Variants in SOCS6 observed in about 807,000 individuals in gnomAD.
SOCS6 encodes the protein suppressor of cytokine signaling 6.
SOCS6 carries 5 observed loss-of-function variants against 27.7 expected under a neutral mutation model. The ratio of observed to expected loss-of-function variants is 0.18; its 90% CI spans 0.09 to 0.38. SOCS6 has a LOEUF of 0.38. SOCS6 is among the 10% of genes least tolerant of loss of function. SOCS6 has a pLI of 1.00. For missense variants in SOCS6, 595 were observed against 688.1 expected, an observed-to-expected ratio of 0.86 and a Z score of 1.51; for synonymous variants, 271 against 260.0, an observed-to-expected ratio of 1.04 and a Z score of -0.41.
chr18:70,297,003 C>CTGT (rs755251752), intron 1 of SOCS6, among the ~76,000 whole-genome samples: 140 of 122,060 alleles, frequency 1.1e-3, no homozygotes, highest in Middle Eastern at 7.5e-3. Flanking sequence ...TTTTTCTTGT[C>CTGT]TGTTGTTGTT....
intron 1 of SOCS6, among the ~76,000 whole-genome samples, chr18:70,292,619 A>T (rs2062304980): frequency 6.6e-6 from 1 of 152,152 alleles, no homozygotes; most frequent in Admixed American, 6.5e-5. Flanking sequence ...AAGTGTTGGG[A>T]TTGCAGGCAC....
chr18:70,292,125 C>T (rs1051965739), intron 1 of SOCS6, among the ~76,000 whole-genome samples: 9 of 152,124 alleles, frequency 5.9e-5, no homozygotes, highest in African/African-American at 1.4e-4. Flanking sequence ...TTTAGGTGGC[C>T]GTTGGTCTTG....
intron 1 of SOCS6, among the ~76,000 whole-genome samples, chr18:70,307,010 C>T (rs868559638): frequency 9.2e-5 from 14 of 152,302 alleles, no homozygotes; most frequent in Middle Eastern, 3.4e-3. Flanking sequence ...CGCCTGTAAT[C>T]CCAACACTTT....
At chr18:70,289,555 C>T (rs906696819) in intron 1 of SOCS6, among the ~76,000 whole-genome samples, 11 of 147,082 alleles carry the variant, frequency 7.5e-5, no homozygotes, top group African/African-American at 2.7e-4. Context: ...CTGCGCGGCT[C>T]TGCGCCCCGG....
At chr18:70,320,460 G>A (rs1259319024) in intron 1 of SOCS6, among the ~76,000 whole-genome samples, 1 of 152,098 alleles carries the variant, frequency 6.6e-6, no homozygotes. Context: ...TGTATCTGGA[G>A]GAGGCTGAAT....
intron 1 of SOCS6, among the ~76,000 whole-genome samples, chr18:70,315,490 A>G (rs1273609193): frequency 1.3e-5 from 2 of 152,180 alleles, no homozygotes; most frequent in African/African-American, 2.4e-5. Context: ...AGTTTTACAC[A>G]TTTTGATTCC....
chr18:70,298,383 A>C (rs41321346), intron 1 of SOCS6, among the ~76,000 whole-genome samples: 45,530 of 152,044 alleles, frequency 0.3, 7,811 homozygotes, highest in East Asian at 0.73. Context: ...TAAAATGTTA[A>C]ATAATTGTTT....
intron 1 of SOCS6, among the ~76,000 whole-genome samples, chr18:70,297,992 G>C (rs1053846025): frequency 2.0e-5 from 3 of 152,148 alleles, no homozygotes; most frequent in Non-Finnish European, 4.4e-5. Context: ...TGGGCAAATT[G>C]CTCTTTAAAT....
At chr18:70,311,445 G>A (rs1044226368) in intron 1 of SOCS6, among the ~76,000 whole-genome samples, 1 of 152,152 alleles carries the variant, frequency 6.6e-6, no homozygotes, top group African/African-American at 2.4e-5. Context: ...TGCTTTTCAT[G>A]ATACCAAGTA....
chr18:70,322,158 A>C (rs1388942847), intron 1 of SOCS6, among the ~76,000 whole-genome samples: 2 of 152,228 alleles, frequency 1.3e-5, no homozygotes, highest in Non-Finnish European at 2.9e-5. Flanking sequence ...ATAAACTTAA[A>C]ATTTTACAAT....
intron 1 of SOCS6, among the ~76,000 whole-genome samples, chr18:70,321,312 G>GTTTTTTTTTTTTT (rs763120236): frequency 1.5e-5 from 1 of 68,676 alleles, no homozygotes; most frequent in Non-Finnish European, 2.6e-5. Context: ...AATTTTCTCA[G>GTTTTTTTTTTTTT]TTTTTTTTTT....
chr18:70,312,554 G>T (rs894235358), intron 1 of SOCS6, among the ~76,000 whole-genome samples: 2 of 152,010 alleles, frequency 1.3e-5, no homozygotes, highest in Admixed American at 6.6e-5. Context: ...AACATTAAGT[G>T]TTACTAATTT....
chr18:70,317,956 C>T (rs561401054), intron 1 of SOCS6, among the ~76,000 whole-genome samples: 2 of 152,272 alleles, frequency 1.3e-5, no homozygotes, highest in South Asian at 4.1e-4. Flanking sequence ...AGGGTTCAAG[C>T]AGTCCTCCCA....
At chr18:70,321,260 C>T (rs190444548) in intron 1 of SOCS6, among the ~76,000 whole-genome samples, 3 of 149,272 alleles carry the variant, frequency 2.0e-5, no homozygotes, top group Non-Finnish European at 3.0e-5. Context: ...GCCAACACAG[C>T]GAGACTCTGA....
intron 1 of SOCS6, among the ~76,000 whole-genome samples, chr18:70,300,410 T>C (rs1056999980): frequency 6.6e-6 from 1 of 152,204 alleles, no homozygotes; most frequent in Non-Finnish European, 1.5e-5. Flanking sequence ...ATTACAGGTG[T>C]GAGCCACCGC....
At chr18:70,294,961 A>G (rs114922381) in intron 1 of SOCS6, among the ~76,000 whole-genome samples, 2,750 of 152,324 alleles carry the variant, frequency 0.018, 85 homozygotes, top group African/African-American at 0.063. Flanking sequence ...TATTTTCCAT[A>G]GCATCGGACT....
intron 1 of SOCS6, among the ~76,000 whole-genome samples, chr18:70,320,871 C>T (rs12962853): frequency 6.6e-6 from 1 of 152,080 alleles, no homozygotes; most frequent in Admixed American, 6.6e-5. Context: ...TTTAGTCAGG[C>T]AGAAGAGATT....
intron 1 of SOCS6, among the ~76,000 whole-genome samples, chr18:70,306,813 A>G (rs1299436272): frequency 6.6e-6 from 1 of 152,224 alleles, no homozygotes; most frequent in African/African-American, 2.4e-5. Flanking sequence ...CCTTTCTGCA[A>G]CTATTAAGAT....
chr18:70,322,781 A>T (rs531334774), intron 1 of SOCS6, among the ~76,000 whole-genome samples: 10 of 152,184 alleles, frequency 6.6e-5, no homozygotes, highest in Non-Finnish European at 1.5e-4. Flanking sequence ...TGGGGACATG[A>T]TAGTACTGAT....
Sources: gnomAD v4.1 joint callset for allele counts (sites outside exome capture counted in the v4.1 genomes callset) on GRCh38, gnomAD v4.1.1 for gene constraint, MANE v1.5 for transcripts, NCBI Gene and HGNC (gene_info 2026-07-23, HGNC 2026-07-21) for gene names.